Variants in MPP7 observed in about 807,000 individuals in gnomAD.
The protein encoded by MPP7 is MAGUK p55 scaffold protein 7, also known as MAGUK p55 subfamily member 7.
MPP7 carries 60 observed loss-of-function variants against 76.5 expected under a neutral mutation model. The observed-to-expected ratio is 0.78, with a 90% CI of 0.64 to 0.97. The LOEUF is 0.97. MPP7 is among the 50% of genes least tolerant of loss of function. The pLI is 0.00. For synonymous variants in MPP7, 237 were observed against 244.5 expected, an observed-to-expected ratio of 0.97 and a Z score of 0.29; for missense variants, 641 against 694.0, an observed-to-expected ratio of 0.92 and a Z score of 0.86.
chr10:28,252,032 T>A (rs1474821698), intron 1 of MPP7, among the ~76,000 whole-genome samples: 1 of 152,230 alleles, frequency 6.6e-6, no homozygotes, highest in Non-Finnish European at 1.5e-5. Context: ...GTGCTAACAA[T>A]CAGCAGTGAC....
At chr10:28,109,873 A>AAAAC (rs1834449365) in intron 11 of MPP7, among the ~76,000 whole-genome samples, 1 of 143,170 alleles carries the variant, frequency 7.0e-6, no homozygotes, top group African/African-American at 2.6e-5. Flanking sequence ...AAAAAAAAAA[A>AAAAC]CACTTAAAAC....
At chr10:28,077,433 C>T (rs1435614495) in intron 12 of MPP7, among the ~76,000 whole-genome samples, 1 of 152,142 alleles carries the variant, frequency 6.6e-6, no homozygotes, top group Admixed American at 6.5e-5. Context: ...GGCCTACAAA[C>T]AGCATTTTCC....
chr10:28,302,569 C>A (rs1386488159), intron 1 of MPP7, among the ~76,000 whole-genome samples: 2 of 152,198 alleles, frequency 1.3e-5, no homozygotes, highest in African/African-American at 4.8e-5. Context: ...CGCTCTGGGT[C>A]TGCCCCGCCG....
In MPP7 at chr10:28,131,693, T is replaced by A; in HGVS notation, c.316-2A>T. On this transcript the variant is annotated splice_acceptor_variant, in intron 5 of 16. Transcript: ENST00000683449. LOFTEE classifies it high-confidence loss of function. ...AGTATCATGTACAGAGAGCAAAGCCTGTAATATTCAAAGGTTGATTTAAAT... is the reference window on the plus strand; with the variant it reads ...AGTATCATGTACAGAGAGCAAAGCCAGTAATATTCAAAGGTTGATTTAAAT... 1 of 1,552,926 alleles carries A rather than the reference T, an allele frequency of 6.4e-7. No homozygotes were observed. The highest frequency in any genetic ancestry group is 8.7e-7 in the Non-Finnish European group (1 of 1,144,340).
upstream of MPP7, among the ~76,000 whole-genome samples, chr10:28,304,323 A>T (rs569405692): frequency 3.3e-5 from 5 of 152,204 alleles, no homozygotes; most frequent in African/African-American, 9.7e-5. Context: ...GTTCTAAAAC[A>T]GGCTATTTGA....
intron 11 of MPP7, among the ~76,000 whole-genome samples, chr10:28,109,479 A>G (rs951403960): frequency 3.3e-5 from 5 of 152,258 alleles, no homozygotes; most frequent in Non-Finnish European, 7.4e-5. Context: ...TTTTTATCTT[A>G]TATCAAAAAT....
chr10:28,184,924 ATAT>A (rs1030885740), intron 3 of MPP7, among the ~76,000 whole-genome samples: 44 of 147,284 alleles, frequency 3.0e-4, no homozygotes, highest in African/African-American at 1.1e-3. Context: ...ATAAGTTATT[ATAT>A]TGTTATATAT....
intron 5 of MPP7, among the ~76,000 whole-genome samples, chr10:28,139,200 G>C (rs1285656167): frequency 2.6e-5 from 4 of 152,262 alleles, no homozygotes; most frequent in Admixed American, 6.5e-5. Context: ...TGGGTAGAAA[G>C]AGCATGGAGG....
At chr10:28,186,652 C>T (rs968134300) in intron 3 of MPP7, among the ~76,000 whole-genome samples, 3 of 152,290 alleles carry the variant, frequency 2.0e-5, no homozygotes, top group African/African-American at 2.4e-5. Context: ...GGCAATAGGA[C>T]GTGAAGTGCC....
intron 13 of MPP7, among the ~76,000 whole-genome samples, chr10:28,062,347 A>T (rs1407806691): frequency 6.6e-6 from 1 of 152,198 alleles, no homozygotes; most frequent in Non-Finnish European, 1.5e-5. Flanking sequence ...CAGAGCAACC[A>T]GTAAAAAGCT....
At position 28,089,732 on chromosome 10, in the gene MPP7, G is replaced by A. The variant is rs377567939; in HGVS notation, c.1062C>T (p.Tyr354=). The A allele has an allele frequency of 2.0e-5, 33 of 1,613,592 alleles. No individual in the cohort carries two copies. Among genetic ancestry groups the A allele is most frequent in the East Asian group, 1.1e-4 (5 of 44,882 alleles). The change falls in exon 12 of 17, where the codon TAC becomes TAT. Residue 354 remains tyrosine (Y), a synonymous_variant. Coordinates refer to ENST00000683449, the MANE Select transcript of MPP7 (RefSeq NM_001318170.2). ...DQYDTADVPT[Y]EEVTPYRRQT... is the part of the protein sequence containing the mutation. ...GTCGCCGATACGGTGTCACTTCTTC[G>A]TATGTGGGTACGTCAGCTGTGTCGT...
rs1186755664 is a variant in MPP7, at chr10:28,111,613, A to AT, written c.952+8037dup. Among the ~76,000 whole-genome samples the AT allele has an allele frequency of 9.3e-5, 14 of 151,250 alleles. No homozygotes were observed. The East Asian group carries it at 2.5e-3, about 27-fold the overall frequency. ...AGAAACAACAAATTTTGTCCTTAAC[A>AT]TATCTAAATATCCTGTAAATTTAAC... On this transcript the variant is annotated intron_variant, in intron 11 of 16. Transcript: ENST00000683449.
intron 1 of MPP7, among the ~76,000 whole-genome samples, chr10:28,241,064 C>T (rs1424365507): frequency 6.6e-6 from 1 of 152,212 alleles, no homozygotes; most frequent in East Asian, 1.9e-4. Flanking sequence ...CAACCTATCA[C>T]TTTCTTCACA....
chr10:28,286,564 A>G (rs1250945612), intron 1 of MPP7, among the ~76,000 whole-genome samples: 1 of 152,078 alleles, frequency 6.6e-6, no homozygotes, highest in Non-Finnish European at 1.5e-5. Context: ...TTTCAACTGA[A>G]CTGGCACCAG....
intron 1 of MPP7, among the ~76,000 whole-genome samples, chr10:28,240,305 G>A (rs1373308863): frequency 6.6e-6 from 1 of 152,112 alleles, no homozygotes; most frequent in African/African-American, 2.4e-5. Flanking sequence ...GATTCAAATT[G>A]CAGAATAAAG....
At chr10:28,281,868 C>G (rs901714241) in intron 1 of MPP7, 2 of 152,074 alleles carry the variant, frequency 1.3e-5, no homozygotes, top group Non-Finnish European at 2.9e-5. Context: ...CATTCTTAAC[C>G]ATTAGGACGT....
At chr10:28,132,044 G>T (rs1014407411) in intron 5 of MPP7, among the ~76,000 whole-genome samples, 1 of 152,026 alleles carries the variant, frequency 6.6e-6, no homozygotes, top group Non-Finnish European at 1.5e-5. Flanking sequence ...TGTTACTTTT[G>T]GGGGAAGGGA....
At chr10:28,160,146 A>G (rs1334694399) in intron 3 of MPP7, among the ~76,000 whole-genome samples, 1 of 151,816 alleles carries the variant, frequency 6.6e-6, no homozygotes, top group Non-Finnish European at 1.5e-5. Context: ...AAACACCACA[A>G]TCTGCATAGA....
At chr10:28,209,179 A>G (rs963231050) in intron 2 of MPP7, among the ~76,000 whole-genome samples, 3 of 152,156 alleles carry the variant, frequency 2.0e-5, no homozygotes, top group African/African-American at 7.2e-5. Context: ...TAAATTGCCC[A>G]GTCGCAAGTA....
Sources: allele counts gnomAD v4.1 joint callset (sites outside exome capture counted in the v4.1 genomes callset), GRCh38; gene constraint gnomAD v4.1.1; transcripts MANE v1.5; gene names NCBI Gene and HGNC (gene_info 2026-07-23, HGNC 2026-07-21).